The following ACACA variants were observed in gnomAD, a reference collection of about 807,000 sequenced individuals.
The protein encoded by ACACA is acetyl-CoA carboxylase alpha.
ACACA carries 103 observed loss-of-function variants against 296.1 expected under a neutral mutation model. The ratio of observed to expected loss-of-function variants is 0.35; its 90% CI spans 0.30 to 0.41. The LOEUF is 0.41. Ranked by LOEUF, ACACA falls within the 10% of genes least tolerant of loss-of-function variation. ACACA has a pLI of 1.00. For synonymous variants in ACACA, 953 were observed against 1,038.6 expected, an observed-to-expected ratio of 0.92 and a Z score of 1.58; for missense variants, 1,554 against 2,989.7, an observed-to-expected ratio of 0.52 and a Z score of 11.20.
At chr17:37,246,594 C>T (rs139573504) in intron 19 of ACACA, among the ~76,000 whole-genome samples, 1,737 of 151,928 alleles carry the variant, frequency 0.011, 42 homozygotes, top group African/African-American at 0.038. Context: ...CACTGTACGC[C>T]GCTAATTTTT....
intron 1 of ACACA, among the ~76,000 whole-genome samples, chr17:37,389,967 A>C (rs1277399530): frequency 6.7e-6 from 1 of 148,912 alleles, no homozygotes; most frequent in African/African-American, 2.5e-5. Context: ...CAGATCATTT[A>C]GATTGGAGTC....
chr17:37,155,847 G>T, intron 42 of ACACA, 67 bp from the exon 43 acceptor site: 1 of 1,071,626 alleles, frequency 9.3e-7, no homozygotes, highest in Non-Finnish European at 1.4e-6. Flanking sequence ...ATACAGCAAA[G>T]CATACATAAT....
intron 3 of ACACA, among the ~76,000 whole-genome samples, chr17:37,316,295 C>CCTTA (rs2047083851): frequency 9.1e-6 from 1 of 109,978 alleles, no homozygotes; most frequent in Admixed American, 1.0e-4. Context: ...CCAGCTCTAC[C>CCTTA]CTTACATACA....
chr17:37,100,301 T>C lies in ACACA; in HGVS notation c.6566-2317A>G, dbSNP rs1002690691. On this transcript the variant is annotated intron_variant, in intron 52 of 55. Transcript: ENST00000616317. Reference sequence around the variant, plus strand: ...TTATTAATTACAAAGGGGAAAATGGTAACTTTATCGTGGATTAACCTAGTG... The same window carrying C: ...TTATTAATTACAAAGGGGAAAATGGCAACTTTATCGTGGATTAACCTAGTG... 2.0e-5 allele frequency among the ~76,000 whole-genome samples: 3 copies of C among 152,310 alleles called. No homozygotes were observed. The East Asian group carries it at 5.8e-4, about 29-fold the overall frequency.
chr17:37,321,705 G>A (rs1286550863), intron 3 of ACACA, among the ~76,000 whole-genome samples: 4 of 152,000 alleles, frequency 2.6e-5, no homozygotes, highest in Non-Finnish European at 5.9e-5. Flanking sequence ...CCGAGATTGC[G>A]CCACTGCCCT....
Position 37,136,956 on chromosome 17 carries a change from GCAAAAAA to G in ACACA, c.5680-6745_5680-6739del, listed in dbSNP as rs761817306. ...AGACTCCGTCTCAAAAAAAAAAAAA[GCAAAAAA>G]CAAAAAACAAAACAAAAAACACCAT... On this transcript the variant is annotated intron_variant, in intron 45 of 55. Coordinates refer to ENST00000616317, the MANE Select transcript of ACACA (RefSeq NM_198834.3). 5.0e-3 allele frequency among the ~76,000 whole-genome samples: 739 copies of G among 149,156 alleles called. 2 individuals are homozygous for G. The highest frequency in any genetic ancestry group is 7.7e-3 in the Non-Finnish European group (518 of 67,232).
At chr17:37,398,985 C>CTT (rs35767845) in intron 1 of ACACA, among the ~76,000 whole-genome samples, 26 of 143,356 alleles carry the variant, frequency 1.8e-4, no homozygotes, top group African/African-American at 5.4e-4. Flanking sequence ...TCCCTAAATT[C>CTT]TTTTTTTTTT....
intron 1 of ACACA, among the ~76,000 whole-genome samples, chr17:37,351,164 A>C (rs1177944046): frequency 6.6e-6 from 1 of 151,414 alleles, no homozygotes; most frequent in Non-Finnish European, 1.5e-5. Flanking sequence ...AAAATATAAA[A>C]TAAAATGTTG....
intron 33 of ACACA, among the ~76,000 whole-genome samples, chr17:37,201,431 C>CAAA (rs397946940): frequency 7.5e-6 from 1 of 133,784 alleles, no homozygotes. Context: ...GAGACTGTCT[C>CAAA]AAAAAAAAAA....
intron 3 of ACACA, among the ~76,000 whole-genome samples, chr17:37,287,489 T>C (rs1404184042): frequency 6.7e-6 from 1 of 149,104 alleles, no homozygotes; most frequent in African/African-American, 2.5e-5. Context: ...CCCAGCACTT[T>C]GGGAGGCCAA....
intron 3 of ACACA, among the ~76,000 whole-genome samples, chr17:37,323,802 A>G (rs527467729): frequency 6.6e-6 from 1 of 152,238 alleles, no homozygotes; most frequent in African/African-American, 2.4e-5. Flanking sequence ...TTACAGTTCT[A>G]TTTGGTTGAT....
intron 22 of ACACA, 27 bp from the exon 23 acceptor site, chr17:37,242,080 G>A: frequency 6.3e-7 from 1 of 1,584,556 alleles, no homozygotes; most frequent in South Asian, 1.1e-5. Context: ...GGAAAAAAAT[G>A]AGGCCCAACC....
intron 45 of ACACA, among the ~76,000 whole-genome samples, chr17:37,138,338 G>A (rs182462559): frequency 6.6e-6 from 1 of 152,290 alleles, no homozygotes; most frequent in African/African-American, 2.4e-5. Flanking sequence ...CATATTCATA[G>A]ACCAGTCTGT....
chr17:37,326,258 C>T (rs1181336789), intron 3 of ACACA, among the ~76,000 whole-genome samples: 4 of 149,428 alleles, frequency 2.7e-5, no homozygotes, highest in Non-Finnish European at 4.4e-5. Context: ...CTGACAGGCA[C>T]AGATTACAGG....
At chr17:37,364,970 A>G (rs1330959396) in intron 1 of ACACA, among the ~76,000 whole-genome samples, 1 of 152,006 alleles carries the variant, frequency 6.6e-6, no homozygotes, top group Non-Finnish European at 1.5e-5. Flanking sequence ...GTCATACCAC[A>G]CAGTTCAGAA....
chr17:37,277,230 C>CTAA, intron 6 of ACACA, 116 bp from the exon 7 acceptor site: 1 of 878,594 alleles, frequency 1.1e-6, no homozygotes, highest in Middle Eastern at 2.1e-4. Context: ...CCACAGCAGC[C>CTAA]TAATGCTTAA....
intron 1 of ACACA, among the ~76,000 whole-genome samples, chr17:37,381,907 G>T (rs74862077): frequency 6.6e-6 from 1 of 151,960 alleles, no homozygotes; most frequent in Non-Finnish European, 1.5e-5. Context: ...GATTACAGGC[G>T]TGAGCCACTG....
rs372826815 is a variant in ACACA at position 37,389,386 on chromosome 17, T to C, written c.38+16876A>G. The C allele has an allele frequency of 1.6e-4, 248 of 1,558,180 alleles. 2 individuals are homozygous for C. The African/African-American group carries it at 2.5e-3, about 16-fold the overall frequency. On this transcript the variant is annotated intron_variant, in intron 1 of 55. Coordinates refer to ENST00000616317, the MANE Select transcript of ACACA (RefSeq NM_198834.3). ...AGGAAAGTGTTCTCTGTGTGGTTTA[T>C]GTCATTTGCTTAAAGAAGGTGGGGT...
chr17:37,245,361 G>A, intron 19 of ACACA, 147 bp from the exon 20 acceptor site: 1 of 725,554 alleles, frequency 1.4e-6, no homozygotes, highest in Non-Finnish European at 2.3e-6. Context: ...ATCTCCTAGG[G>A]ACTATCAAGG....
Sources: gnomAD v4.1 joint callset for allele counts (sites outside exome capture counted in the v4.1 genomes callset) on GRCh38, gnomAD v4.1.1 for gene constraint, MANE v1.5 for transcripts, NCBI Gene and HGNC (gene_info 2026-07-23, HGNC 2026-07-21) for gene names.